The following FER variants were observed in gnomAD, a reference collection of about 807,000 sequenced individuals.
The protein encoded by FER is FER tyrosine kinase.
FER carries 63 observed loss-of-function variants against 111.0 expected under a neutral mutation model. The observed-to-expected ratio is 0.57, with a 90% confidence interval of 0.46 to 0.70. The LOEUF is 0.70. FER is among the 30% of genes least tolerant of loss of function. The pLI, the probability that FER is intolerant of heterozygous loss-of-function variation, is 0.00. For synonymous variants in FER, 327 were observed against 313.9 expected (o/e 1.04, Z -0.44); for missense variants, 914 against 954.0 (o/e 0.96, Z 0.55).
chr5:109,121,416 T>G (rs1750959697), intron 17 of FER, among the ~76,000 whole-genome samples: 1 of 152,192 alleles, frequency 6.6e-6, no homozygotes, highest in African/African-American at 2.4e-5. Context: ...GCATGTATGT[T>G]GGACCATCTT....
intron 13 of FER, among the ~76,000 whole-genome samples, chr5:108,989,341 C>A (rs1762914150): frequency 1.3e-5 from 2 of 152,014 alleles, no homozygotes; most frequent in Non-Finnish European, 2.9e-5. Flanking sequence ...ACAACCTTTG[C>A]CAAACTGCAT....
intron 13 of FER, among the ~76,000 whole-genome samples, chr5:108,968,671 AG>A (rs1451760835): frequency 6.6e-6 from 1 of 152,144 alleles, no homozygotes; most frequent in Non-Finnish European, 1.5e-5. Context: ...GAAGAATGGA[AG>A]TAATAAAACT....
At chr5:108,770,447 A>G (rs1342066351) in intron 2 of FER, among the ~76,000 whole-genome samples, 1 of 152,056 alleles carries the variant, frequency 6.6e-6, no homozygotes, top group Admixed American at 6.6e-5. Flanking sequence ...CTAATATGTA[A>G]TTTTATTGTT....
At chr5:108,866,351 C>T (rs758344568) in intron 5 of FER, among the ~76,000 whole-genome samples, 24 of 152,106 alleles carry the variant, frequency 1.6e-4, no homozygotes, top group Non-Finnish European at 2.2e-4. Context: ...AACTAAACAC[C>T]GCGTGTTCTC....
chr5:109,059,892 A>G (rs1199041087), intron 16 of FER, among the ~76,000 whole-genome samples: 1 of 152,228 alleles, frequency 6.6e-6, no homozygotes, highest in Non-Finnish European at 1.5e-5. Context: ...TGATTATAGA[A>G]GCATCATTTA....
chr5:109,172,497 G>GGGGGGAC (rs1226725621), intron 17 of FER, among the ~76,000 whole-genome samples: 1 of 73,208 alleles, frequency 1.4e-5, no homozygotes, highest in Non-Finnish European at 2.7e-5. Flanking sequence ...GGTGGGGGGA[G>GGGGGGAC]GGGGGAGGGA....
At chr5:108,901,500 G>C (rs1334246463) in intron 10 of FER, among the ~76,000 whole-genome samples, 1 of 151,982 alleles carries the variant, frequency 6.6e-6, no homozygotes, top group African/African-American at 2.4e-5. Context: ...TTAAAATTTT[G>C]GAATTTCCTC....
intron 10 of FER, among the ~76,000 whole-genome samples, chr5:108,898,715 C>T (rs927069983): frequency 6.7e-6 from 1 of 149,784 alleles, no homozygotes; most frequent in Non-Finnish European, 1.5e-5. Flanking sequence ...TTTCTATTAT[C>T]TACCTATTGA....
intron 13 of FER, among the ~76,000 whole-genome samples, chr5:109,009,775 A>C (rs1240948695): frequency 6.6e-6 from 1 of 152,152 alleles, no homozygotes; most frequent in African/African-American, 2.4e-5. Flanking sequence ...GGATTTACTC[A>C]TGTATTTGCA....
chr5:108,946,413 G>A (rs990501528), intron 11 of FER, among the ~76,000 whole-genome samples, 191 bp downstream of exon 11: 6 of 151,702 alleles, frequency 4.0e-5, no homozygotes, highest in African/African-American at 1.5e-4. Context: ...GTCTATATAT[G>A]TGTATAGTAA....
chr5:109,015,160 T>C (rs1196387068), intron 13 of FER, among the ~76,000 whole-genome samples: 2 of 152,136 alleles, frequency 1.3e-5, no homozygotes, highest in East Asian at 3.8e-4. Context: ...CCCTTGTTTC[T>C]AGCACATAGT....
chr5:108,896,958 C>T (rs1030215892), intron 9 of FER, among the ~76,000 whole-genome samples: 2 of 152,142 alleles, frequency 1.3e-5, no homozygotes, highest in South Asian at 2.1e-4. Context: ...CCTGTTTACA[C>T]GTGGCTTCAA....
chr5:108,944,860 T>C (rs529935028), intron 10 of FER, among the ~76,000 whole-genome samples: 8 of 119,128 alleles, frequency 6.7e-5, no homozygotes, highest in African/African-American at 2.5e-4. Flanking sequence ...AAAAGATGTT[T>C]TCACTAATTG....
chr5:108,810,148 G>A (rs1330829092), intron 3 of FER, among the ~76,000 whole-genome samples: 8 of 151,892 alleles, frequency 5.3e-5, no homozygotes, highest in Admixed American at 5.2e-4. Flanking sequence ...TATGTCTATA[G>A]AGAATGTTCA....
chr5:109,066,048 T>G (rs1201299880), intron 16 of FER, among the ~76,000 whole-genome samples: 1 of 152,216 alleles, frequency 6.6e-6, no homozygotes. Flanking sequence ...TATAGCGTCT[T>G]TAACTTTTTA....
intron 14 of FER, among the ~76,000 whole-genome samples, chr5:109,040,373 C>A (rs1234689423): frequency 2.0e-5 from 3 of 151,948 alleles, no homozygotes; most frequent in Admixed American, 2.0e-4. Flanking sequence ...AGAAGCAATC[C>A]CCAAAGAAGG....
At chr5:109,176,443 G>A (rs1466168817) in intron 17 of FER, among the ~76,000 whole-genome samples, 1 of 152,140 alleles carries the variant, frequency 6.6e-6, no homozygotes, top group Non-Finnish European at 1.5e-5. Flanking sequence ...GCTCATGAAG[G>A]AAGAGAGCAG....
At chr5:109,121,633 TC>T in intron 17 of FER, among the ~76,000 whole-genome samples, 1 of 152,270 alleles carries the variant, frequency 6.6e-6, no homozygotes, top group Non-Finnish European at 1.5e-5. Context: ...TATTCCTTCT[TC>T]CTGTATTTTT....
intron 13 of FER, among the ~76,000 whole-genome samples, chr5:109,029,353 C>T (rs897633430): frequency 1.3e-4 from 19 of 147,384 alleles, no homozygotes; most frequent in Non-Finnish European, 2.8e-4. Context: ...CCCACTAACT[C>T]GTCATCTAGC....
Sources: allele counts gnomAD v4.1 joint callset (sites outside exome capture counted in the v4.1 genomes callset), GRCh38; gene constraint gnomAD v4.1.1; transcripts MANE v1.5; gene names NCBI Gene and HGNC (gene_info 2026-07-23, HGNC 2026-07-21).